The following PTPRD variants were observed in gnomAD, a reference collection of about 807,000 sequenced individuals.
PTPRD encodes the protein protein tyrosine phosphatase receptor type D, also known as receptor-type tyrosine-protein phosphatase delta.
Under a neutral mutation model 214.5 loss-of-function variants are expected in PTPRD, and 34 were observed. The ratio of observed to expected loss-of-function variants is 0.16; its 90% CI spans 0.12 to 0.21. PTPRD has a LOEUF of 0.21. PTPRD is among the 10% of genes least tolerant of loss of function. The pLI, the probability that PTPRD is intolerant of heterozygous loss-of-function variation, is 1.00. For synonymous variants in PTPRD, 1,128 were observed against 845.7 expected (o/e 1.33, Z -5.79); for missense variants, 2,545 against 2,398.7 (o/e 1.06, Z -1.27).
At chr9:9,664,144 T>C (rs1484396045) in intron 7 of PTPRD, among the ~76,000 whole-genome samples, 1 of 148,196 alleles carries the variant, frequency 6.7e-6, no homozygotes, top group Non-Finnish European at 1.5e-5. Context: ...AGCTATGAGT[T>C]ACACGTAAAG....
intron 45 of PTPRD, 101 bp downstream of exon 45, chr9:8,319,730 C>T (rs532068645): frequency 1.4e-6 from 2 of 1,400,578 alleles, no homozygotes; most frequent in Admixed American, 2.3e-5. Context: ...GCTTTCCCCA[C>T]AGTATTTTGT....
At chr9:10,541,421 G>T (rs1355454864) in intron 2 of PTPRD, among the ~76,000 whole-genome samples, 1 of 151,828 alleles carries the variant, frequency 6.6e-6, no homozygotes. Flanking sequence ...ATCATAAAAG[G>T]ATTATATGTT....
At chr9:9,064,714 G>A (rs1370346144) in intron 10 of PTPRD, among the ~76,000 whole-genome samples, 1 of 152,210 alleles carries the variant, frequency 6.6e-6, no homozygotes, top group Non-Finnish European at 1.5e-5. Context: ...GTGGTATGAA[G>A]TTGCACAGTT....
At chr9:9,314,514 G>C (rs967923042) in intron 9 of PTPRD, among the ~76,000 whole-genome samples, 4 of 152,048 alleles carry the variant, frequency 2.6e-5, no homozygotes, top group African/African-American at 9.7e-5. Flanking sequence ...CACATGGCCT[G>C]GCTTGACAAA....
intron 9 of PTPRD, among the ~76,000 whole-genome samples, chr9:9,321,365 G>C (rs1010252862): frequency 1.3e-5 from 2 of 152,076 alleles, no homozygotes; most frequent in African/African-American, 2.4e-5. Context: ...CGACCAGCCT[G>C]ACCAATATGG....
chr9:9,735,975 C>A (rs2098285991), intron 6 of PTPRD, among the ~76,000 whole-genome samples: 1 of 152,074 alleles, frequency 6.6e-6, no homozygotes. Flanking sequence ...TTGAAGTTAA[C>A]CAGTACATAG....
intron 7 of PTPRD, among the ~76,000 whole-genome samples, chr9:9,583,821 G>A (rs567851853): frequency 3.3e-5 from 5 of 152,042 alleles, no homozygotes; most frequent in South Asian, 2.1e-4. Context: ...TATGACTAGC[G>A]GGTCCTTATC....
chr9:9,868,174 A>G (rs916180884), intron 5 of PTPRD, among the ~76,000 whole-genome samples: 3 of 152,210 alleles, frequency 2.0e-5, no homozygotes, highest in Non-Finnish European at 4.4e-5. Context: ...TAGAACAAAA[A>G]TAGTTTTAGC....
At chr9:9,451,444 G>C (rs544265689) in intron 8 of PTPRD, among the ~76,000 whole-genome samples, 1 of 151,736 alleles carries the variant, frequency 6.6e-6, no homozygotes, top group South Asian at 2.1e-4. Flanking sequence ...GTTACCTATT[G>C]AGCATAAAAG....
chr9:8,356,702 T>C (rs1564227853), intron 39 of PTPRD, among the ~76,000 whole-genome samples: 1 of 152,226 alleles, frequency 6.6e-6, no homozygotes. Context: ...CTGATAGAAC[T>C]TAATTGCTCT....
At chr9:10,481,325 C>T (rs1419776149) in intron 2 of PTPRD, among the ~76,000 whole-genome samples, 1 of 152,008 alleles carries the variant, frequency 6.6e-6, no homozygotes, top group African/African-American at 2.4e-5. Flanking sequence ...CAAAACAAAA[C>T]AAAAAATATC....
intron 3 of PTPRD, among the ~76,000 whole-genome samples, chr9:10,146,262 T>C (rs1315593413): frequency 1.3e-5 from 2 of 151,822 alleles, no homozygotes; most frequent in East Asian, 3.9e-4. Context: ...CATACATATA[T>C]ACATACATAC....
chr9:9,632,977 G>T (rs559563152), intron 7 of PTPRD, among the ~76,000 whole-genome samples: 2 of 151,972 alleles, frequency 1.3e-5, no homozygotes, highest in Non-Finnish European at 2.9e-5. Context: ...AAATGGGAAG[G>T]TATGAGACAA....
chr9:10,057,421 G>C (rs992048162), intron 3 of PTPRD, among the ~76,000 whole-genome samples: 1 of 152,072 alleles, frequency 6.6e-6, no homozygotes, highest in Admixed American at 6.6e-5. Context: ...AGCATTAGCT[G>C]TTTTGTACCA....
intron 11 of PTPRD, among the ~76,000 whole-genome samples, chr9:8,826,362 T>C (rs150187632): frequency 1.2e-3 from 179 of 152,290 alleles, no homozygotes; most frequent in Non-Finnish European, 1.7e-3. Context: ...TGGTCTCCTA[T>C]TGTGCCTTAA....
intron 8 of PTPRD, among the ~76,000 whole-genome samples, chr9:9,404,839 A>G (rs2072620726): frequency 6.6e-6 from 1 of 152,080 alleles, no homozygotes; most frequent in South Asian, 2.1e-4. Context: ...TGGGAACTGA[A>G]GACATGTTGC....
intron 2 of PTPRD, among the ~76,000 whole-genome samples, chr9:10,410,270 T>TATATATATATATATATACAC (rs532202941): frequency 3.6e-5 from 5 of 139,848 alleles, no homozygotes; most frequent in African/African-American, 1.0e-4. Flanking sequence ...TATATATATA[T>TATATATATATATATATACAC]ACACACACAC....
At chr9:9,306,623 T>A (rs1957244249) in intron 9 of PTPRD, among the ~76,000 whole-genome samples, 1 of 150,326 alleles carries the variant, frequency 6.7e-6, no homozygotes, top group East Asian at 2.0e-4. Context: ...AATAATATCC[T>A]CTGAATATAC....
At chr9:8,755,241 AC>A (rs1450146509) in intron 11 of PTPRD, among the ~76,000 whole-genome samples, 2,132 of 145,396 alleles carry the variant, frequency 0.015, 64 homozygotes, top group African/African-American at 0.054. Context: ...AACAAAAAAA[AC>A]AAACAGGCCA....
Sources: gnomAD v4.1 joint callset for allele counts (sites outside exome capture counted in the v4.1 genomes callset) on GRCh38, gnomAD v4.1.1 for gene constraint, MANE v1.5 for transcripts, NCBI Gene and HGNC (gene_info 2026-07-23, HGNC 2026-07-21) for gene names.